Variants in TAF8 observed in about 807,000 individuals in gnomAD.
TAF8 encodes transcription initiation factor TFIID subunit 8.
Under a neutral mutation model 36.5 loss-of-function variants are expected in TAF8, and 47 were observed. The observed-to-expected ratio is 1.29, with a 90% CI of 1.02 to 1.64. The LOEUF (loss-of-function observed/expected upper bound fraction) is 1.64. TAF8 is among the 40% of genes most tolerant of loss of function. The pLI, the probability that TAF8 is intolerant of heterozygous loss-of-function variation, is 0.00. For missense variants in TAF8, 420 were observed against 407.6 expected, an observed-to-expected ratio of 1.03 and a Z score of -0.26; for synonymous variants, 175 against 159.5, an observed-to-expected ratio of 1.10 and a Z score of -0.73.
Position 42,078,951 on chromosome 6 carries a change from G to A in TAF8, c.*1406G>A, listed in dbSNP as rs1035430021. The A allele has an allele frequency of 2.7e-5, 18 of 673,348 alleles. No homozygotes were observed. Among genetic ancestry groups the A allele is most frequent in the South Asian group, 6.6e-5 (1 of 15,080 alleles). The allele number at this position is 673,348 out of a possible 1,614,324, so 41.7% of individuals were successfully genotyped here. A position where few individuals can be genotyped will look rare whatever the true frequency, so the allele number is the denominator to read the frequency against. ...AGCCTGGCCAACATAGTGAAACCCC[G>A]TCTCTACTAAAAATACAAAAATTAG... On this transcript the variant is annotated 3_prime_UTR_variant, in exon 9 of 9. Transcript: ENST00000372977.
In TAF8 at chr6:42,050,587, G is replaced by A. The variant is rs764017934; in HGVS notation, c.45+1G>A. The A allele has an allele frequency of 3.9e-6, 6 of 1,555,544 alleles. No homozygotes were observed. The highest frequency in any genetic ancestry group is 5.2e-6 in the Non-Finnish European group (6 of 1,150,162). ...AGCTGGGGCCGGTGGCTCCGGAACG[G>A]TAAGGGCAGGAAGCGCGGGCTCGGA... On this transcript the variant is annotated splice_donor_variant, in intron 1 of 8. Transcript: ENST00000372977. LOFTEE classifies it high-confidence loss of function.
chr6:42,055,130 G>C (rs1045542898), intron 2 of TAF8, among the ~76,000 whole-genome samples: 1 of 151,882 alleles, frequency 6.6e-6, no homozygotes, highest in African/African-American at 2.4e-5. Flanking sequence ...CGCCATGTTG[G>C]TCAGGTTGGT....
At chr6:42,086,946 A>G, downstream of TAF8, 1 of 636,010 alleles carries the variant, frequency 1.6e-6, no homozygotes, top group Non-Finnish European at 2.8e-6. Flanking sequence ...TCATTCAGCC[A>G]ACCCAGAGGA....
At chr6:42,074,387 C>T (rs1031443034) in intron 7 of TAF8, among the ~76,000 whole-genome samples, 3 of 152,230 alleles carry the variant, frequency 2.0e-5, no homozygotes, top group East Asian at 3.9e-4. Context: ...GAGCTGTTGG[C>T]GTAGAGATGG....
chr6:42,060,724 T>G (rs1765161891), intron 5 of TAF8, among the ~76,000 whole-genome samples: 1 of 152,218 alleles, frequency 6.6e-6, no homozygotes, highest in African/African-American at 2.4e-5. Context: ...AAAAAAAGCA[T>G]GCCATTCCAG....
At chr6:42,061,178 C>T (rs1478757056) in intron 5 of TAF8, among the ~76,000 whole-genome samples, 1 of 152,144 alleles carries the variant, frequency 6.6e-6, no homozygotes, top group South Asian at 2.1e-4. Flanking sequence ...AGTCTATAGC[C>T]ACTATTAAAG....
chr6:42,051,048 C>G, intron 1 of TAF8: 1 of 1,100,718 alleles, frequency 9.1e-7, no homozygotes, highest in East Asian at 6.0e-5. Flanking sequence ...CGGGACACGT[C>G]TTAATCCCAT....
At chr6:42,053,565 CA>C (rs35079316) in intron 2 of TAF8, among the ~76,000 whole-genome samples, 55,491 of 121,956 alleles carry the variant, frequency 0.46, 10,876 homozygotes, top group South Asian at 0.62. Flanking sequence ...AACTCCGTCT[CA>C]AAAAAAAAAA....
downstream of TAF8, among the ~76,000 whole-genome samples, chr6:42,085,454 C>T (rs887505296): frequency 4.6e-5 from 7 of 152,128 alleles, no homozygotes; most frequent in Admixed American, 3.3e-4. Flanking sequence ...TTAAAATCCC[C>T]GAGGTGATAA....
intron 7 of TAF8, among the ~76,000 whole-genome samples, chr6:42,076,877 G>A (rs73733097): frequency 0.017 from 2,663 of 152,198 alleles, 74 homozygotes; most frequent in African/African-American, 0.06. Flanking sequence ...TCTGGACTCT[G>A]TTGTGTGCTC....
chr6:42,068,655 A>G lies in TAF8; in HGVS notation c.780+48A>G, dbSNP rs377001921. ...CTCAGAGTATCCCCCAAACTGTCGC[A>G]CACTGCCCTCAGTCTGTCACCCTGG... On this transcript the variant is annotated intron_variant, in intron 7 of 8. Transcript: ENST00000372977. 172 of 1,602,254 alleles carry G rather than the reference A, an allele frequency of 1.1e-4. 1 individual carries two copies. The East Asian group carries it at 2.8e-3, about 26-fold the overall frequency.
At chr6:42,062,167 C>T (rs9369329) in intron 5 of TAF8, among the ~76,000 whole-genome samples, 59,302 of 151,968 alleles carry the variant, frequency 0.39, 11,668 homozygotes, top group African/African-American at 0.44. Context: ...TTTGTACTAG[C>T]GCATCTTTAA....
chr6:42,052,408 G>A (rs543825812), intron 2 of TAF8, among the ~76,000 whole-genome samples: 11 of 143,240 alleles, frequency 7.7e-5, no homozygotes, highest in South Asian at 4.9e-4. Context: ...TGCAGCCTCC[G>A]CCTCCCAGGT....
At position 42,064,763 on chromosome 6, in the gene TAF8, C is replaced by G. The variant is rs796367123; in HGVS notation, c.490-1549C>G. Among the ~76,000 whole-genome samples, 28 of 151,016 alleles carry G rather than the reference C, an allele frequency of 1.9e-4. 1 individual carries two copies. The highest frequency in any genetic ancestry group is 6.6e-4 in the African/African-American group (27 of 41,086). ...ACAAGGTCAGGAGATCGAGACCATC[C>G]TGGCAAACACAGTGAAACCCGTCTC... On this transcript the variant is annotated intron_variant, in intron 5 of 8. Transcript: ENST00000372977.
intron 5 of TAF8, 40 bp from the exon 6 acceptor site, chr6:42,066,272 C>G: frequency 1.2e-6 from 2 of 1,608,438 alleles, no homozygotes; most frequent in Non-Finnish European, 1.7e-6. Context: ...CAGAATGATA[C>G]TTCGGCATCA....
At chr6:42,061,502 C>T (rs2127454655) in intron 5 of TAF8, among the ~76,000 whole-genome samples, 1 of 152,152 alleles carries the variant, frequency 6.6e-6, no homozygotes, top group African/African-American at 2.4e-5. Flanking sequence ...CAAAATGAGA[C>T]AAGTGTATGA....
intron 2 of TAF8, among the ~76,000 whole-genome samples, chr6:42,053,911 G>A (rs1490192919): frequency 6.6e-6 from 1 of 152,170 alleles, no homozygotes; most frequent in African/African-American, 2.4e-5. Flanking sequence ...CTAGAGGCTG[G>A]TATTAGTGAC....
At chr6:42,057,289 T>G in intron 4 of TAF8, 100 bp from the exon 5 acceptor site, 1 of 1,533,006 alleles carries the variant, frequency 6.5e-7, no homozygotes. Flanking sequence ...AAAATTGAGG[T>G]CTGGCATTTT....
At chr6:42,068,266 A>G (rs1283594710) in intron 6 of TAF8, among the ~76,000 whole-genome samples, 199 bp from the exon 7 acceptor site, 1 of 152,214 alleles carries the variant, frequency 6.6e-6, no homozygotes, top group Non-Finnish European at 1.5e-5. Flanking sequence ...ATCGTACTTA[A>G]TAGGATGGGA....
Sources: allele counts gnomAD v4.1 joint callset (sites outside exome capture counted in the v4.1 genomes callset), GRCh38; gene constraint gnomAD v4.1.1; transcripts MANE v1.5; gene names NCBI Gene and HGNC (gene_info 2026-07-23, HGNC 2026-07-21).